The following ZBTB20 variants were observed in gnomAD, a reference collection of about 807,000 sequenced individuals.
ZBTB20 encodes the protein zinc finger and BTB domain-containing protein 20.
Under a neutral mutation model 56.9 loss-of-function variants are expected in ZBTB20, and 9 were observed. The observed-to-expected ratio is 0.16, with a 90% confidence interval of 0.10 to 0.28. The LOEUF (loss-of-function observed/expected upper bound fraction) is 0.28, where lower values mean the gene tolerates loss of function less well. ZBTB20 is among the 10% of genes least tolerant of loss of function. The pLI is 1.00. For missense variants in ZBTB20, 655 were observed against 1,003.0 expected (o/e 0.65, Z 4.69); for synonymous variants, 417 against 420.7 (o/e 0.99, Z 0.11).
intron 10 of ZBTB20, chr3:114,357,073 G>T (rs371291510): frequency 6.6e-6 from 1 of 152,292 alleles, no homozygotes; most frequent in Non-Finnish European, 1.5e-5. Flanking sequence ...TCAGCCTATG[G>T]GAGGGCGAGC....
chr3:114,939,284 T>C (rs2076651611), intron 3 of ZBTB20, among the ~76,000 whole-genome samples: 1 of 146,292 alleles, frequency 6.8e-6, no homozygotes, highest in Non-Finnish European at 1.5e-5. Flanking sequence ...TAAAAAATAA[T>C]TGAAAGGATA....
chr3:114,797,514 T>C (rs2071410283), intron 5 of ZBTB20, among the ~76,000 whole-genome samples: 2 of 151,970 alleles, frequency 1.3e-5, no homozygotes, highest in South Asian at 4.1e-4. Context: ...CCTCTGCTAT[T>C]CCATATAATG....
intron 1 of ZBTB20, among the ~76,000 whole-genome samples, chr3:115,124,442 T>C (rs377133379): frequency 2.0e-5 from 3 of 152,186 alleles, no homozygotes; most frequent in Non-Finnish European, 2.9e-5. Context: ...AAAATACATA[T>C]GCATTGATAA....
At chr3:115,114,128 T>C (rs1381909574) in intron 1 of ZBTB20, among the ~76,000 whole-genome samples, 1 of 152,224 alleles carries the variant, frequency 6.6e-6, no homozygotes, top group Non-Finnish European at 1.5e-5. Flanking sequence ...TTTTAAAACA[T>C]TTTGCTCTTA....
intron 4 of ZBTB20, among the ~76,000 whole-genome samples, chr3:114,822,691 GT>G (rs1162740712): frequency 1.3e-5 from 2 of 151,982 alleles, no homozygotes; most frequent in Non-Finnish European, 2.9e-5. Flanking sequence ...GTGAAAATAT[GT>G]TACATACTAT....
At chr3:114,897,021 G>T (rs961320279) in intron 4 of ZBTB20, among the ~76,000 whole-genome samples, 4 of 152,210 alleles carry the variant, frequency 2.6e-5, no homozygotes, top group African/African-American at 9.6e-5. Flanking sequence ...GAGGGAACTG[G>T]TAGTGATAGA....
intron 4 of ZBTB20, among the ~76,000 whole-genome samples, chr3:114,844,330 AATATATATATATATATATAT>A (rs71146341): frequency 0.7 from 69,164 of 99,378 alleles, 24,262 homozygotes; most frequent in East Asian, 0.85. Context: ...TACTGGAGTA[AATATATATATATATATATAT>A]ATATATATAT....
chr3:115,124,810 T>C (rs2084279891), intron 1 of ZBTB20, among the ~76,000 whole-genome samples: 1 of 152,046 alleles, frequency 6.6e-6, no homozygotes. Flanking sequence ...CTTTTATGTC[T>C]AAATAATATA....
rs1443716112 is a variant in ZBTB20 at position 114,487,238 on chromosome 3, C to CA, written c.-255+13113dup. Among the ~76,000 whole-genome samples, 3 of 152,246 alleles carry CA rather than the reference C, an allele frequency of 2.0e-5. No individual in the cohort carries two copies. The East Asian group carries it at 5.8e-4, about 29-fold the overall frequency. ...CATTTGACACTCTGAGCCCTAGGTA[C>CA]ACTGAGTCAGTGGCATGGTCTCCAA... On this transcript the variant is annotated intron_variant, in intron 7 of 11. Coordinates refer to ENST00000675478, the MANE Select transcript of ZBTB20 (RefSeq NM_001348800.3).
chr3:114,819,267 C>T (rs1485384498), intron 4 of ZBTB20, among the ~76,000 whole-genome samples: 1 of 151,766 alleles, frequency 6.6e-6, no homozygotes, highest in African/African-American at 2.4e-5. Context: ...CTGAATATTG[C>T]AAAGATACTA....
intron 3 of ZBTB20, among the ~76,000 whole-genome samples, chr3:114,953,146 T>C (rs184015773): frequency 6.6e-5 from 10 of 152,158 alleles, no homozygotes; most frequent in Admixed American, 1.3e-4. Context: ...TCTAAAATAT[T>C]GATTCTAAGA....
chr3:114,824,506 C>A (rs950799346), intron 4 of ZBTB20, among the ~76,000 whole-genome samples: 1 of 151,882 alleles, frequency 6.6e-6, no homozygotes, highest in Non-Finnish European at 1.5e-5. Flanking sequence ...AACAGGAATT[C>A]GGTCTTTCCA....
intron 4 of ZBTB20, among the ~76,000 whole-genome samples, chr3:114,836,875 C>G (rs1357049119): frequency 6.6e-6 from 1 of 152,184 alleles, no homozygotes; most frequent in South Asian, 2.1e-4. Flanking sequence ...TAAAATTCTA[C>G]AAGTTATATA....
chr3:114,499,614 T>G (rs765189301), intron 7 of ZBTB20, among the ~76,000 whole-genome samples: 2 of 152,238 alleles, frequency 1.3e-5, no homozygotes, highest in Non-Finnish European at 2.9e-5. Context: ...TTATTTGGGT[T>G]CATTGGCCTA....
chr3:114,573,850 CTT>C (rs2053713833), intron 6 of ZBTB20, among the ~76,000 whole-genome samples: 1 of 152,004 alleles, frequency 6.6e-6, no homozygotes, highest in Non-Finnish European at 1.5e-5. Context: ...TTGCTTAAAA[CTT>C]TTATTTTTCA....
chr3:114,563,943 TTATAG>T (rs971496035), intron 6 of ZBTB20, among the ~76,000 whole-genome samples: 48 of 152,182 alleles, frequency 3.2e-4, no homozygotes, highest in African/African-American at 1.1e-3. Flanking sequence ...TAGCACAAAC[TTATAG>T]TTCTGGAGGT....
At chr3:114,926,950 C>T (rs2076180701) in intron 3 of ZBTB20, among the ~76,000 whole-genome samples, 2 of 152,042 alleles carry the variant, frequency 1.3e-5, no homozygotes, top group South Asian at 2.1e-4. Context: ...ACTATGTTGC[C>T]CAGACTGGTC....
intron 1 of ZBTB20, among the ~76,000 whole-genome samples, chr3:115,143,646 T>C (rs1280192672): frequency 1.3e-5 from 2 of 152,236 alleles, no homozygotes; most frequent in Non-Finnish European, 2.9e-5. Context: ...TAATACTATG[T>C]AGGAATTTTA....
intron 6 of ZBTB20, among the ~76,000 whole-genome samples, chr3:114,669,659 C>T (rs867856431): frequency 2.7e-4 from 41 of 151,162 alleles, no homozygotes; most frequent in African/African-American, 9.5e-4. Context: ...ATGAGTTATG[C>T]AAAGTTAAAG....
Sources: gnomAD v4.1 joint callset for allele counts (sites outside exome capture counted in the v4.1 genomes callset) on GRCh38, gnomAD v4.1.1 for gene constraint, MANE v1.5 for transcripts, NCBI Gene and HGNC (gene_info 2026-07-23, HGNC 2026-07-21) for gene names.